Variants in CAMKMT observed in about 807,000 individuals in gnomAD.
CAMKMT encodes calmodulin-lysine N-methyltransferase.
Under a neutral mutation model 48.0 loss-of-function variants are expected in CAMKMT, and 53 were observed. The ratio of observed to expected loss-of-function variants is 1.10; its 90% CI spans 0.89 to 1.39. The LOEUF is 1.39. Among genes scored for constraint, CAMKMT ranks in the 40% most tolerant of loss-of-function variants. The pLI is 0.00. For synonymous variants in CAMKMT, 165 were observed against 152.3 expected (o/e 1.08, Z -0.61); for missense variants, 428 against 402.7 (o/e 1.06, Z -0.54).
At chr2:44,387,348 TG>T (rs1680873014) in intron 2 of CAMKMT, among the ~76,000 whole-genome samples, 1 of 151,672 alleles carries the variant, frequency 6.6e-6, no homozygotes, top group African/African-American at 2.4e-5. Context: ...TGCTAGTTTT[TG>T]GTATCCATTT....
intron 3 of CAMKMT, among the ~76,000 whole-genome samples, chr2:44,443,070 TA>T (rs1666770556): frequency 6.6e-6 from 1 of 152,208 alleles, no homozygotes; most frequent in African/African-American, 2.4e-5. Flanking sequence ...TTTGAAGATT[TA>T]AAATATAGTT....
intron 3 of CAMKMT, among the ~76,000 whole-genome samples, chr2:44,520,279 G>A (rs1030486102): frequency 8.6e-5 from 13 of 151,946 alleles, no homozygotes; most frequent in African/African-American, 3.1e-4. Context: ...ATGTTGCCCA[G>A]ACTATGTTGC....
chr2:44,588,683 T>C (rs1572865635), intron 3 of CAMKMT, among the ~76,000 whole-genome samples: 1 of 35,798 alleles, frequency 2.8e-5, no homozygotes, highest in Non-Finnish European at 5.4e-5. Context: ...AGCCGCCCAG[T>C]CCGGGAGGGA....
chr2:44,420,861 AT>A (rs1272932934), intron 3 of CAMKMT, among the ~76,000 whole-genome samples: 1 of 150,910 alleles, frequency 6.6e-6, no homozygotes, highest in African/African-American at 2.4e-5. Context: ...ATTTTTTTTA[AT>A]TGTCTAAGGG....
At chr2:44,633,844 G>T (rs1442431418) in intron 3 of CAMKMT, among the ~76,000 whole-genome samples, 5 of 152,010 alleles carry the variant, frequency 3.3e-5, no homozygotes, top group Non-Finnish European at 7.4e-5. Flanking sequence ...TTACATTGTT[G>T]AGGGTCTGAA....
chr2:44,552,267 T>C (rs905852458), intron 3 of CAMKMT, among the ~76,000 whole-genome samples: 5 of 152,164 alleles, frequency 3.3e-5, no homozygotes, highest in Non-Finnish European at 7.4e-5. Flanking sequence ...CACAATGATA[T>C]TTCGATTGTA....
chr2:44,668,085 T>C (rs1246506349), intron 3 of CAMKMT, among the ~76,000 whole-genome samples: 1 of 152,216 alleles, frequency 6.6e-6, no homozygotes, highest in African/African-American at 2.4e-5. Flanking sequence ...CAAATCAGCA[T>C]TTGAGAAATC....
intron 3 of CAMKMT, chr2:44,393,647 G>C (rs1681556562): frequency 6.6e-6 from 1 of 152,182 alleles, no homozygotes; most frequent in Admixed American, 6.5e-5. Context: ...AGAAAGACAT[G>C]CTGACAAGCT....
intron 3 of CAMKMT, among the ~76,000 whole-genome samples, chr2:44,609,474 A>T (rs1223601127): frequency 7.9e-5 from 12 of 152,202 alleles, no homozygotes; most frequent in Non-Finnish European, 1.6e-4. Flanking sequence ...TAACAGAAAA[A>T]ATAGGAGCTT....
intron 3 of CAMKMT, among the ~76,000 whole-genome samples, chr2:44,651,346 G>A (rs149618550): frequency 2.5e-4 from 38 of 152,314 alleles, no homozygotes; most frequent in African/African-American, 7.7e-4. Flanking sequence ...AAAAGTTCTT[G>A]TAATGACCTG....
chr2:44,488,776 A>C (rs1669335506), intron 3 of CAMKMT, among the ~76,000 whole-genome samples: 1 of 152,090 alleles, frequency 6.6e-6, no homozygotes, highest in Non-Finnish European at 1.5e-5. Context: ...CATTGTTATG[A>C]AATATGGAGT....
chr2:44,430,979 T>A (rs996188037), intron 3 of CAMKMT, among the ~76,000 whole-genome samples: 2 of 152,228 alleles, frequency 1.3e-5, no homozygotes, highest in Non-Finnish European at 2.9e-5. Flanking sequence ...TGTAGCACGT[T>A]ATTAAAAAGT....
At chr2:44,683,822 C>CAAAAAAAAAAAAAAAAAAAAAAA (rs10644183) in intron 3 of CAMKMT, among the ~76,000 whole-genome samples, 2 of 70,922 alleles carry the variant, frequency 2.8e-5, no homozygotes, top group African/African-American at 5.4e-5. Flanking sequence ...GACTCTGTCT[C>CAAAAAAAAAAAAAAAAAAAAAAA]AAAAAAAAAA....
intron 7 of CAMKMT, among the ~76,000 whole-genome samples, chr2:44,734,091 CTT>C (rs938133763): frequency 6.9e-6 from 1 of 144,716 alleles, no homozygotes. Flanking sequence ...TTTATTACTT[CTT>C]TTTTTTTTTC....
At chr2:44,514,173 C>T (rs1670719576) in intron 3 of CAMKMT, among the ~76,000 whole-genome samples, 1 of 151,366 alleles carries the variant, frequency 6.6e-6, no homozygotes, top group South Asian at 2.1e-4. Flanking sequence ...TAGAAGCCAG[C>T]AGGAAAAGCA....
At chr2:44,402,051 G>A (rs920241988) in intron 3 of CAMKMT, among the ~76,000 whole-genome samples, 3 of 152,146 alleles carry the variant, frequency 2.0e-5, no homozygotes, top group African/African-American at 4.8e-5. Context: ...AATTGGCCGG[G>A]CGCGGTGGCT....
chr2:44,478,300 AT>A (rs966795458), intron 3 of CAMKMT, among the ~76,000 whole-genome samples: 1 of 151,654 alleles, frequency 6.6e-6, no homozygotes, highest in Non-Finnish European at 1.5e-5. Context: ...AAGTCTATAT[AT>A]TTTTTTTCTT....
At chr2:44,530,700 G>A (rs1666437374) in intron 3 of CAMKMT, among the ~76,000 whole-genome samples, 2 of 152,078 alleles carry the variant, frequency 1.3e-5, no homozygotes, top group South Asian at 4.1e-4. Flanking sequence ...GGTTTTGGGT[G>A]ATGTGCCTCC....
chr2:44,748,036 C>T (rs187850810), intron 8 of CAMKMT, among the ~76,000 whole-genome samples: 92 of 152,332 alleles, frequency 6.0e-4, no homozygotes, highest in Non-Finnish European at 6.2e-4. Context: ...CTGCTGTTCT[C>T]TCAGCCCATT....
Sources: allele counts gnomAD v4.1 joint callset (sites outside exome capture counted in the v4.1 genomes callset), GRCh38; gene constraint gnomAD v4.1.1; transcripts MANE v1.5; gene names NCBI Gene and HGNC (gene_info 2026-07-23, HGNC 2026-07-21).